Variants in TMEM120B observed in about 807,000 individuals in gnomAD.
The protein encoded by TMEM120B is transmembrane protein 120B.
Under a neutral mutation model 55.5 loss-of-function variants are expected in TMEM120B, and 31 were observed. The observed-to-expected ratio is 0.56, with a 90% CI of 0.42 to 0.75. The LOEUF is 0.75. Ranked by LOEUF, TMEM120B falls within the 30% of genes least tolerant of loss-of-function variation. The probability of loss-of-function intolerance (pLI) is 0.00; values close to 1 mark genes in which losing one functional copy is unlikely to be tolerated. For missense variants in TMEM120B, 399 were observed against 425.5 expected, an observed-to-expected ratio of 0.94 and a Z score of 0.55; for synonymous variants, 203 against 176.3, an observed-to-expected ratio of 1.15 and a Z score of -1.20.
chr12:121,743,122 T>C (rs1458695315), intron 1 of TMEM120B, among the ~76,000 whole-genome samples: 1 of 152,124 alleles, frequency 6.6e-6, no homozygotes, highest in Non-Finnish European at 1.5e-5. Flanking sequence ...AGCTATTGAA[T>C]TCATTGGAGT....
At chr12:121,764,257 C>T (rs1340173927) in intron 6 of TMEM120B, among the ~76,000 whole-genome samples, 1 of 151,566 alleles carries the variant, frequency 6.6e-6, no homozygotes, top group Non-Finnish European at 1.5e-5. Flanking sequence ...TGCGGTGGCT[C>T]ATGCCTGTAA....
intron 7 of TMEM120B, 79 bp downstream of exon 7, chr12:121,771,051 C>T: frequency 2.0e-6 from 3 of 1,482,254 alleles, no homozygotes; most frequent in Non-Finnish European, 2.8e-6. Flanking sequence ...GGGGCTGATC[C>T]AGACAGCGGT....
chr12:121,714,114 A>AG (rs1411268687), intron 1 of TMEM120B, among the ~76,000 whole-genome samples: 3 of 152,012 alleles, frequency 2.0e-5, no homozygotes, highest in African/African-American at 7.2e-5. Flanking sequence ...GCATGAATAG[A>AG]GGGGAAGGGA....
chr12:121,760,129 C>CAAA (rs1006164597), intron 5 of TMEM120B, among the ~76,000 whole-genome samples: 821 of 47,402 alleles, frequency 0.017, 7 homozygotes, highest in South Asian at 0.059. Context: ...AACTACGTCT[C>CAAA]AAAAAAAAAA....
At chr12:121,771,919 T>C (rs1033506375) in intron 8 of TMEM120B, among the ~76,000 whole-genome samples, 23 of 152,296 alleles carry the variant, frequency 1.5e-4, no homozygotes, top group South Asian at 4.1e-4. Context: ...AAGGGTTGCC[T>C]CTGGGGAAGG....
chr12:121,755,562 C>T (rs776210565), intron 5 of TMEM120B, among the ~76,000 whole-genome samples: 12 of 152,124 alleles, frequency 7.9e-5, no homozygotes, highest in Non-Finnish European at 1.5e-4. Flanking sequence ...CAGTGCTTGC[C>T]GTCTGTGTGA....
chr12:121,768,020 C>T (rs1158091247), intron 6 of TMEM120B, among the ~76,000 whole-genome samples: 2 of 152,182 alleles, frequency 1.3e-5, no homozygotes, highest in Non-Finnish European at 2.9e-5. Context: ...GAGAGACCTC[C>T]TGGTTGCTCT....
chr12:121,746,183 C>T (rs898655588), intron 2 of TMEM120B, among the ~76,000 whole-genome samples: 5 of 148,234 alleles, frequency 3.4e-5, no homozygotes, highest in Non-Finnish European at 7.4e-5. Context: ...CTTAAACCGC[C>T]CCCCCACTTT....
At chr12:121,766,387 G>A (rs1873850460) in intron 6 of TMEM120B, among the ~76,000 whole-genome samples, 1 of 152,190 alleles carries the variant, frequency 6.6e-6, no homozygotes, top group African/African-American at 2.4e-5. Context: ...ATGTAACTGG[G>A]AATTTCCATT....
intron 1 of TMEM120B, among the ~76,000 whole-genome samples, chr12:121,729,676 G>A (rs1894958644): frequency 6.6e-6 from 1 of 151,938 alleles, no homozygotes; most frequent in Non-Finnish European, 1.5e-5. Context: ...GCACATGCCT[G>A]TAGTTCTAGC....
chr12:121,746,721 G>A (rs1319407224), intron 2 of TMEM120B, among the ~76,000 whole-genome samples: 16 of 152,096 alleles, frequency 1.1e-4, no homozygotes, highest in African/African-American at 3.4e-4. Context: ...TTGGGAGGCC[G>A]AGGCAGGCAG....
intron 5 of TMEM120B, among the ~76,000 whole-genome samples, chr12:121,757,168 A>G (rs114087352): frequency 0.01 from 1,530 of 146,384 alleles, 29 homozygotes; most frequent in African/African-American, 0.037. Context: ...CTTATTTATT[A>G]TTTATATTTT....
chr12:121,756,226 G>T (rs754111790), intron 5 of TMEM120B, among the ~76,000 whole-genome samples: 8 of 152,168 alleles, frequency 5.3e-5, no homozygotes. Context: ...GGCCGGGTGT[G>T]GTGGTTCATG....
At chr12:121,721,004 C>T (rs1894780680) in intron 1 of TMEM120B, among the ~76,000 whole-genome samples, 4 of 152,312 alleles carry the variant, frequency 2.6e-5, no homozygotes, top group Admixed American at 1.3e-4. Flanking sequence ...TTAACCTCAT[C>T]TTCCCACTGG....
chr12:121,769,054 G>A (rs1873938530), intron 6 of TMEM120B, among the ~76,000 whole-genome samples: 1 of 151,684 alleles, frequency 6.6e-6, no homozygotes, highest in African/African-American at 2.4e-5. Flanking sequence ...ACTGAGGCAG[G>A]AGAATTGCCT....
intron 1 of TMEM120B, among the ~76,000 whole-genome samples, chr12:121,722,332 T>G (rs1894809648): frequency 6.6e-6 from 1 of 152,076 alleles, no homozygotes. Context: ...CTCCTGACCT[T>G]GTGATCTGCT....
At chr12:121,717,107 C>G (rs1894716925) in intron 1 of TMEM120B, among the ~76,000 whole-genome samples, 2 of 152,184 alleles carry the variant, frequency 1.3e-5, no homozygotes, top group Admixed American at 1.3e-4. Flanking sequence ...TTCAGGCATG[C>G]TGGTGAGTTG....
At chr12:121,738,897 T>G (rs1872834271) in intron 1 of TMEM120B, among the ~76,000 whole-genome samples, 1 of 151,966 alleles carries the variant, frequency 6.6e-6, no homozygotes, top group South Asian at 2.1e-4. Context: ...CTTTAAAAAC[T>G]TAAGTTCGGC....
At position 121,752,125 on chromosome 12, in the gene TMEM120B, C is replaced by T. The variant is rs768825316; in HGVS notation, c.366-3C>T. On this transcript the variant is annotated splice_region_variant and splice_polypyrimidine_tract_variant and intron_variant, in intron 4 of 11. Transcript: ENST00000449592. ...ACACCCCTGGGCGTGTCTGTCGTGG[C>T]AGGTTCGCCTACAAGGACGAATATG... 2 of 1,612,920 alleles carry T rather than the reference C, an allele frequency of 1.2e-6. No individual in the cohort carries two copies. Among genetic ancestry groups the T allele is most frequent in the South Asian group, 1.1e-5 (1 of 91,064 alleles).
Sources: allele counts gnomAD v4.1 joint callset (sites outside exome capture counted in the v4.1 genomes callset), GRCh38; gene constraint gnomAD v4.1.1; transcripts MANE v1.5; gene names NCBI Gene and HGNC (gene_info 2026-07-23, HGNC 2026-07-21).